ARSB: variants seen among roughly 807,000 people sequenced by gnomAD.
ARSB encodes N-acetylgalactosamine-4-sulfatase.
ARSB carries 41 observed loss-of-function variants against 50.9 expected under a neutral mutation model. The observed-to-expected ratio is 0.81, with a 90% CI of 0.63 to 1.04. The LOEUF is 1.04. Ranked by LOEUF, ARSB falls within the 50% of genes least tolerant of loss-of-function variation. The pLI, the probability that ARSB is intolerant of heterozygous loss-of-function variation, is 0.00. For missense variants in ARSB, 672 were observed against 693.3 expected (o/e 0.97, Z 0.35); for synonymous variants, 269 against 284.8 (o/e 0.94, Z 0.56).
rs1178658652 is a variant in ARSB at position 78,792,378 on chromosome 5, C to CA, written c.1214-10405dup. 8.4e-3 allele frequency among the ~76,000 whole-genome samples: 889 copies of CA among 105,396 alleles called. 3 individuals are homozygous for CA. The highest frequency in any genetic ancestry group is 9.0e-3 in the Non-Finnish European group (446 of 49,516). The allele number at this position is 105,396 out of a possible 152,430, so 69.1% of individuals were successfully genotyped here. ...TGGACGACAGAGTGAGAATCTGTCG[C>CA]AAAAAAAAAAAAAAAAAGTTACGCA... On this transcript the variant is annotated intron_variant, in intron 6 of 7. Transcript: ENST00000264914.
Position 78,853,272 on chromosome 5 carries a change from A to T in ARSB, c.1143-13846T>A, listed in dbSNP as rs372667464. On this transcript the variant is annotated intron_variant, in intron 5 of 7. Transcript: ENST00000264914. The stretch of plus-strand genomic sequence containing the variant: ...TTTCTGTTTGTTAGTTTTCCTTCTA[A>T]CAGACAGGACCCTCAGCTGCAGGTC... Among the ~76,000 whole-genome samples the T allele has an allele frequency of 1.2e-4, 18 of 152,244 alleles. No homozygotes were observed. In the East Asian group the frequency reaches 1.5e-3, roughly 13 times the overall value.
chr5:78,873,802 G>A (rs1411074788), intron 5 of ARSB, among the ~76,000 whole-genome samples: 1 of 152,118 alleles, frequency 6.6e-6, no homozygotes, highest in African/African-American at 2.4e-5. Context: ...GCCTAAAACT[G>A]TAATTTTTAA....
chr5:78,825,163 A>G (rs1410099508), intron 6 of ARSB, among the ~76,000 whole-genome samples: 2 of 152,228 alleles, frequency 1.3e-5, no homozygotes, highest in Non-Finnish European at 2.9e-5. Context: ...CAGATACTGC[A>G]CAATGGAAGA....
At chr5:78,908,434 T>C (rs916550234) in intron 4 of ARSB, among the ~76,000 whole-genome samples, 1 of 152,066 alleles carries the variant, frequency 6.6e-6, no homozygotes, top group Non-Finnish European at 1.5e-5. Flanking sequence ...ACAGGAACAA[T>C]AGCGCTGTGA....
chr5:78,882,341 A>G (rs1237010269), intron 5 of ARSB, among the ~76,000 whole-genome samples: 1 of 152,208 alleles, frequency 6.6e-6, no homozygotes, highest in East Asian at 1.9e-4. Flanking sequence ...ACAAGAGAGC[A>G]GGAGGAGGTC....
At chr5:78,886,805 G>A (rs1287287758) in intron 4 of ARSB, among the ~76,000 whole-genome samples, 1 of 152,044 alleles carries the variant, frequency 6.6e-6, no homozygotes, top group Non-Finnish European at 1.5e-5. Flanking sequence ...TGAGCCACAT[G>A]AGGGCAGTAT....
In ARSB at chr5:78,815,752, T is replaced by C; in HGVS notation, c.1213+23604A>G. 17 of 1,173,580 alleles carry C rather than the reference T, an allele frequency of 1.4e-5. 2 individuals carry two copies. The highest frequency in any genetic ancestry group is 1.8e-5 in the Non-Finnish European group (17 of 944,086). 72.7% of individuals were successfully genotyped at this position (1,173,580 alleles called of 1,614,324 possible). A position where few individuals can be genotyped will look rare whatever the true frequency, so the allele number is the denominator to read the frequency against. On this transcript the variant is annotated intron_variant, in intron 6 of 7. Coordinates refer to ENST00000264914, the MANE Select transcript of ARSB (RefSeq NM_000046.5). ...GCATTTTATTTCCACAAGGAATGAA[T>C]AAAGGGAAAGGAATTTACTTTTGGG...
chr5:78,813,796 TAG>T (rs1303764241), intron 6 of ARSB, among the ~76,000 whole-genome samples: 2 of 152,122 alleles, frequency 1.3e-5, no homozygotes, highest in East Asian at 1.9e-4. Context: ...CTCCAGATAA[TAG>T]AGTCATGCAG....
intron 3 of ARSB, among the ~76,000 whole-genome samples, chr5:78,962,531 T>A (rs1400023474): frequency 6.9e-6 from 1 of 144,374 alleles, no homozygotes; most frequent in African/African-American, 2.7e-5. Flanking sequence ...TCGATTTTTT[T>A]TTTTTTTTTT....
At chr5:78,976,301 TTTTG>T (rs1417092930) in intron 1 of ARSB, among the ~76,000 whole-genome samples, 1 of 142,908 alleles carries the variant, frequency 7.0e-6, no homozygotes. Context: ...TTTTTTTTTT[TTTTG>T]AGACAGAGTC....
At position 78,985,020 on chromosome 5, in the gene ARSB, CCGCCAGCGCG is replaced by C; in HGVS notation, c.219_228del (p.Asp73GlufsTer38). The C allele has an allele frequency of 3.9e-6, 6 of 1,540,610 alleles. No individual in the cohort carries two copies. The highest frequency in any genetic ancestry group is 1.2e-5 in the South Asian group (1 of 83,248). ...TAGTTGTCCAGGAGCACCCCGCCGG[CCGCCAGCGCG>C]TCCAGGTGCGGCGTGCGGATGCGGG... On this transcript the variant is annotated frameshift_variant, in exon 1 of 8. Transcript: ENST00000264914. LOFTEE classifies it high-confidence loss of function.
intron 6 of ARSB, among the ~76,000 whole-genome samples, chr5:78,821,951 G>A (rs2112676792): frequency 6.6e-6 from 1 of 152,298 alleles, no homozygotes; most frequent in East Asian, 1.9e-4. Flanking sequence ...GTCTGGCGTG[G>A]CTGGGGATAC....
chr5:78,816,040 T>A lies in ARSB; in HGVS notation c.1213+23316A>T. On this transcript the variant is annotated intron_variant, in intron 6 of 7. Coordinates refer to ENST00000264914, the MANE Select transcript of ARSB (RefSeq NM_000046.5). ...TTTCAGAACCTTGGGTCTGAAGTCA[T>A]TTCTTATGCCCTGGGTTATCATCTT... is the stretch of plus-strand genomic sequence containing the variant. The A allele has an allele frequency of 1.3e-6, 2 of 1,493,326 alleles. 1 individual carries two copies. The highest frequency in any genetic ancestry group is 2.3e-5 in the South Asian group (2 of 86,322). The allele number at this position is 1,493,326 out of a possible 1,614,324, so 92.5% of individuals were successfully genotyped here.
intron 6 of ARSB, among the ~76,000 whole-genome samples, chr5:78,789,174 T>C (rs900239620): frequency 2.0e-5 from 3 of 152,222 alleles, no homozygotes; most frequent in Non-Finnish European, 2.9e-5. Flanking sequence ...TTCATAACAA[T>C]GCAATTTATA....
At chr5:78,933,054 C>A (rs1463999840) in intron 4 of ARSB, among the ~76,000 whole-genome samples, 1 of 152,198 alleles carries the variant, frequency 6.6e-6, no homozygotes, top group Non-Finnish European at 1.5e-5. Context: ...GGATAGCTAG[C>A]CTTACTGCTC....
chr5:78,964,693 T>C lies in ARSB; in HGVS notation c.500-87A>G, dbSNP rs1023461240. On this transcript the variant is annotated intron_variant, in intron 2 of 7. Transcript: ENST00000264914. ...TTCAGCATTTAATTGCCTAATGCAA[T>C]TGATTACCCGTGACGAGGCTAATCA... is the stretch of plus-strand genomic sequence containing the variant. The C allele has an allele frequency of 4.7e-6, 6 of 1,263,772 alleles. No individual in the cohort carries two copies. The African/African-American group carries it at 5.9e-5, about 12-fold the overall frequency. 78.3% of individuals were successfully genotyped at this position (1,263,772 alleles called of 1,614,324 possible).
chr5:78,835,724 C>A (rs784589), intron 6 of ARSB, among the ~76,000 whole-genome samples: 112,923 of 152,034 alleles, frequency 0.74, 42,514 homozygotes, highest in Middle Eastern at 0.81. Flanking sequence ...GAGTAAGCAG[C>A]TTTGCTCCTT....
At chr5:78,960,014 C>T (rs1203812812) in intron 3 of ARSB, among the ~76,000 whole-genome samples, 2 of 152,210 alleles carry the variant, frequency 1.3e-5, no homozygotes, top group Admixed American at 6.5e-5. Context: ...GGAGCCTGAT[C>T]TCTCCCCTGC....
chr5:78,800,969 C>T (rs1273769682), intron 6 of ARSB, among the ~76,000 whole-genome samples: 1 of 151,978 alleles, frequency 6.6e-6, no homozygotes, highest in Non-Finnish European at 1.5e-5. Context: ...GGTGAGAATT[C>T]ACCAAGTTTG....
Sources: gnomAD v4.1 joint callset for allele counts (sites outside exome capture counted in the v4.1 genomes callset) on GRCh38, gnomAD v4.1.1 for gene constraint, MANE v1.5 for transcripts, NCBI Gene and HGNC (gene_info 2026-07-23, HGNC 2026-07-21) for gene names.